RGS22: variants seen among roughly 807,000 people sequenced by gnomAD.
RGS22 encodes regulator of G protein signaling 22.
Under a neutral mutation model 172.9 loss-of-function variants are expected in RGS22, and 148 were observed. The observed-to-expected ratio is 0.86, with a 90% CI of 0.75 to 0.98. The LOEUF (loss-of-function observed/expected upper bound fraction) is 0.98. Among genes scored for constraint, RGS22 ranks in the 50% least tolerant of loss-of-function variants. The probability of loss-of-function intolerance (pLI) is 0.00; values close to 1 mark genes in which losing one functional copy is unlikely to be tolerated. For missense variants in RGS22, 1,347 were observed against 1,440.8 expected, an observed-to-expected ratio of 0.93 and a Z score of 1.05; for synonymous variants, 458 against 480.2, an observed-to-expected ratio of 0.95 and a Z score of 0.60.
chr8:100,102,935 C>T (rs938374113), intron 2 of RGS22, among the ~76,000 whole-genome samples: 3 of 152,200 alleles, frequency 2.0e-5, no homozygotes, highest in Admixed American at 2.0e-4. Flanking sequence ...GCCTCAGGCC[C>T]AGTTAGTTAA....
In RGS22 at chr8:100,063,727, A is replaced by G; in HGVS notation, c.1041T>C (p.Asn347=). 6.2e-7 allele frequency: 1 copy of G among 1,614,008 alleles called. No individual in the cohort carries two copies. Among genetic ancestry groups the G allele is most frequent in the South Asian group, 1.1e-5 (1 of 91,044 alleles). The change falls in exon 8 of 28, where the codon AAT becomes AAC. Residue 347 remains asparagine, a synonymous_variant. Coordinates refer to ENST00000360863, the MANE Select transcript of RGS22 (RefSeq NM_015668.5). The stretch of plus-strand genomic sequence containing the variant: ...AATCATCAAATGACACTTTTGTTAT[A>G]TTGTTGAAGTTTATATAGTCTGGGG... ...GETPDYINFN[N]ITKVSFDDCF...
In RGS22 at chr8:100,066,819, T is replaced by C. The variant is rs1000604882; in HGVS notation, c.595-523A>G. Among the ~76,000 whole-genome samples, 3 of 152,308 alleles carry C rather than the reference T, an allele frequency of 2.0e-5. No homozygotes were observed. The East Asian group carries it at 5.8e-4, about 29-fold the overall frequency. On this transcript the variant is annotated intron_variant, in intron 6 of 27. Coordinates refer to ENST00000360863, the MANE Select transcript of RGS22 (RefSeq NM_015668.5). ...CTGCCCCTTTGCATTAGATTCAGTTTTCACAAGTTTGCTTAGATTGAATGC... is the reference window on the plus strand; with the variant it reads ...CTGCCCCTTTGCATTAGATTCAGTTCTCACAAGTTTGCTTAGATTGAATGC...
chr8:100,089,197 TACACACACACACAAAC>T (rs1203594473), intron 3 of RGS22, among the ~76,000 whole-genome samples: 1 of 145,320 alleles, frequency 6.9e-6, no homozygotes, highest in Non-Finnish European at 1.5e-5. Flanking sequence ...ATACACGAGA[TACACACACACACAAAC>T]ACACACACAC....
At chr8:100,073,534 C>T (rs1388846163) in intron 4 of RGS22, among the ~76,000 whole-genome samples, 1 of 152,170 alleles carries the variant, frequency 6.6e-6, no homozygotes, top group Non-Finnish European at 1.5e-5. Context: ...ACCTAATCAG[C>T]AGCACCTTGT....
intron 3 of RGS22, among the ~76,000 whole-genome samples, chr8:100,089,193 G>A (rs369692423): frequency 6.8e-6 from 1 of 147,468 alleles, no homozygotes; most frequent in African/African-American, 2.6e-5. Flanking sequence ...AGAGATACAC[G>A]AGATACACAC....
At chr8:100,084,359 T>A (rs1373104135) in intron 3 of RGS22, among the ~76,000 whole-genome samples, 2 of 152,216 alleles carry the variant, frequency 1.3e-5, no homozygotes, top group Non-Finnish European at 2.9e-5. Flanking sequence ...GTATCCATTC[T>A]GAGGAAGAAA....
chr8:100,066,312 C>A lies in RGS22; in HGVS notation c.595-16G>T, dbSNP rs748109611. 5.0e-6 allele frequency: 8 copies of A among 1,608,278 alleles called. No individual in the cohort carries two copies. Among genetic ancestry groups the A allele is most frequent in the Non-Finnish European group, 6.0e-6 (7 of 1,175,686 alleles). On this transcript the variant is annotated splice_polypyrimidine_tract_variant and intron_variant, in intron 6 of 27. Coordinates refer to ENST00000360863, the MANE Select transcript of RGS22 (RefSeq NM_015668.5). ...TATAGGAAGCCTAGGAAGAAGGGAGCATATTAGTTTAACATATGATTAGCA... is the reference window on the plus strand; with the variant it reads ...TATAGGAAGCCTAGGAAGAAGGGAGAATATTAGTTTAACATATGATTAGCA...
chr8:100,061,787 C>G (rs1481134296), intron 9 of RGS22, among the ~76,000 whole-genome samples: 1 of 152,130 alleles, frequency 6.6e-6, no homozygotes, highest in Non-Finnish European at 1.5e-5. Context: ...TACAGCAATC[C>G]CATTACTGGG....
At chr8:100,085,154 A>G (rs1812071677) in intron 3 of RGS22, among the ~76,000 whole-genome samples, 1 of 152,226 alleles carries the variant, frequency 6.6e-6, no homozygotes, top group African/African-American at 2.4e-5. Context: ...TTGATACTCC[A>G]TCAGTCCATG....
chr8:99,972,563 C>T (rs1443346539), intron 23 of RGS22, among the ~76,000 whole-genome samples: 1 of 152,142 alleles, frequency 6.6e-6, no homozygotes, highest in African/African-American at 2.4e-5. Flanking sequence ...AGGGAAAAAA[C>T]AAGCAATCCC....
chr8:100,050,289 G>C (rs116132469), intron 10 of RGS22, among the ~76,000 whole-genome samples: 208 of 152,262 alleles, frequency 1.4e-3, no homozygotes, highest in African/African-American at 4.5e-3. Context: ...TGTTCAGGAA[G>C]CGTTGAGAAC....
At chr8:100,081,445 A>G (rs1229669889) in intron 3 of RGS22, among the ~76,000 whole-genome samples, 2 of 151,064 alleles carry the variant, frequency 1.3e-5, no homozygotes, top group Non-Finnish European at 2.9e-5. Flanking sequence ...CTTCTGAGGA[A>G]TTTAAAGTAC....
At chr8:99,973,491 A>C (rs1025496500) in intron 23 of RGS22, among the ~76,000 whole-genome samples, 1 of 152,114 alleles carries the variant, frequency 6.6e-6, no homozygotes, top group African/African-American at 2.4e-5. Flanking sequence ...AGGGAGGGGA[A>C]CATCACACAC....
chr8:100,023,492 G>A (rs1817837179), intron 14 of RGS22, among the ~76,000 whole-genome samples: 2 of 152,160 alleles, frequency 1.3e-5, no homozygotes, highest in Admixed American at 1.3e-4. Context: ...GGAATACACT[G>A]GTGCACTCAT....
chr8:100,091,329 G>C (rs1812571494), intron 3 of RGS22, among the ~76,000 whole-genome samples: 1 of 150,542 alleles, frequency 6.6e-6, no homozygotes, highest in Non-Finnish European at 1.5e-5. Context: ...AAAAACAGAA[G>C]GATTTGGAGA....
At position 99,965,399 on chromosome 8, in the gene RGS22, A is replaced by C. The variant is rs745373101; in HGVS notation, c.3551T>G (p.Val1184Gly). The C allele has an allele frequency of 1.2e-6, 2 of 1,613,148 alleles. No individual in the cohort carries two copies. Among genetic ancestry groups the C allele is most frequent in the South Asian group, 1.1e-5 (1 of 90,976 alleles). Residue 1184 changes from valine (V) to glycine (G), a missense_variant, in exon 24 of 28, where the codon GTG (valine) becomes GGG (glycine). By Grantham distance (109) the Val-to-Gly change is moderately radical. Coordinates refer to ENST00000360863, the MANE Select transcript of RGS22 (RefSeq NM_015668.5). ...DGIKQYANTS[V>G]PAIKTALLSD... The stretch of plus-strand genomic sequence containing the variant: ...GAGTAAAGCAGTTTTGATAGCAGGC[A>C]CTGAAGTATTTGCATATTGTTTGAT...
chr8:100,018,126 T>A (rs905168684), intron 14 of RGS22, among the ~76,000 whole-genome samples: 1 of 151,896 alleles, frequency 6.6e-6, no homozygotes, highest in Non-Finnish European at 1.5e-5. Flanking sequence ...CACTCAAAGG[T>A]TATGTAATCA....
At chr8:100,020,112 G>C (rs529801581) in intron 14 of RGS22, among the ~76,000 whole-genome samples, 7 of 151,872 alleles carry the variant, frequency 4.6e-5, no homozygotes, top group Non-Finnish European at 1.0e-4. Context: ...TCTAACTCCC[G>C]AACTCAGGTG....
intron 22 of RGS22, 21 bp from the exon 23 acceptor site, chr8:99,978,096 G>C: frequency 7.0e-7 from 1 of 1,437,444 alleles, no homozygotes. Context: ...AAAAGTCTAA[G>C]ATTACAATTT....
Sources: gnomAD v4.1 joint callset for allele counts (sites outside exome capture counted in the v4.1 genomes callset) on GRCh38, gnomAD v4.1.1 for gene constraint, MANE v1.5 for transcripts, NCBI Gene and HGNC (gene_info 2026-07-23, HGNC 2026-07-21) for gene names.